Variants in MYO9A observed in about 807,000 individuals in gnomAD.
The protein encoded by MYO9A is unconventional myosin-IXa.
Under a neutral mutation model 293.3 loss-of-function variants are expected in MYO9A, and 103 were observed. The ratio of observed to expected loss-of-function variants is 0.35; its 90% CI spans 0.30 to 0.41. MYO9A has a LOEUF of 0.41. Ranked by LOEUF, MYO9A falls within the 10% of genes least tolerant of loss-of-function variation. The probability of loss-of-function intolerance (pLI) is 1.00; values close to 1 mark genes in which losing one functional copy is unlikely to be tolerated. For synonymous variants in MYO9A, 1,001 were observed against 1,035.7 expected, an observed-to-expected ratio of 0.97 and a Z score of 0.64; for missense variants, 2,685 against 3,033.0, an observed-to-expected ratio of 0.89 and a Z score of 2.69.
chr15:71,879,800 G>A lies in MYO9A; in HGVS notation c.5660C>T (p.Thr1887Ile). 2 of 1,613,524 alleles carry A rather than the reference G, an allele frequency of 1.2e-6. No individual in the cohort carries two copies. Among genetic ancestry groups the A allele is most frequent in the South Asian group, 1.1e-5 (1 of 91,058 alleles). The stretch of plus-strand genomic sequence containing the variant: ...TTTTTTAAATACAACATCCACTAGT[G>A]TATCCTTCTTGCTGTCTTCATTATC... ...DLDNEDSKKD[T>I]LVDVVFKKAL... Residue 1887 changes from threonine to isoleucine, a missense_variant, in exon 30 of 42, where the codon ACA (threonine) becomes ATA (isoleucine). Thr to Ile is a moderately conservative substitution (Grantham distance 89). Around this residue, in one of 10 missense-constraint regions of MYO9A, gnomAD observed 1,434 missense variants for 1,497.7 expected, o/e 0.96. Coordinates refer to ENST00000356056, the MANE Select transcript of MYO9A (RefSeq NM_006901.4).
At chr15:72,038,772 T>G (rs148260819) in intron 2 of MYO9A, among the ~76,000 whole-genome samples, 1 of 152,338 alleles carries the variant, frequency 6.6e-6, no homozygotes, top group African/African-American at 2.4e-5. Context: ...CTACCATGTG[T>G]ATTATGACGT....
At chr15:71,995,902 GA>G (rs1399522015) in intron 9 of MYO9A, among the ~76,000 whole-genome samples, 1 of 149,864 alleles carries the variant, frequency 6.7e-6, no homozygotes, top group African/African-American at 2.5e-5. Flanking sequence ...AATATTGAAG[GA>G]AAAAAAAAGC....
In MYO9A at chr15:71,826,842, G is replaced by T. The variant is rs775137785; in HGVS notation, c.7385C>A (p.Ala2462Asp). 6.2e-7 allele frequency: 1 copy of T among 1,614,124 alleles called. No individual in the cohort carries two copies. The highest frequency in any genetic ancestry group is 8.5e-7 in the Non-Finnish European group (1 of 1,179,984). The change falls in exon 42 of 42, where the codon GCT (alanine) becomes GAT (aspartate). Residue 2462 changes from alanine (A) to aspartate (D), a missense_variant. By Grantham distance (126) the Ala-to-Asp change is moderately radical. Coordinates refer to ENST00000356056, the MANE Select transcript of MYO9A (RefSeq NM_006901.4). ...TCCCAGGGCCTCATTACCTGAGGCAGCTCGGTAGAATGGAGATTTGGAATA... is the reference window on the plus strand; with the variant it reads ...TCCCAGGGCCTCATTACCTGAGGCATCTCGGTAGAATGGAGATTTGGAATA... The part of the protein sequence containing the change: ...QIYSKSPFYR[A>D]ASGNEALGME...
At chr15:71,854,218 C>T (rs565507322) in intron 35 of MYO9A, among the ~76,000 whole-genome samples, 159 bp downstream of exon 35, 1 of 152,200 alleles carries the variant, frequency 6.6e-6, no homozygotes, top group African/African-American at 2.4e-5. Context: ...AAACCAAAGA[C>T]TCTTTAGAAA....
intron 1 of MYO9A, among the ~76,000 whole-genome samples, chr15:72,079,738 T>C (rs1162162903): frequency 6.6e-6 from 1 of 152,178 alleles, no homozygotes; most frequent in East Asian, 1.9e-4. Context: ...GGATCTACAT[T>C]AATGTTTCCA....
intron 39 of MYO9A, among the ~76,000 whole-genome samples, chr15:71,836,937 T>C (rs189100611): frequency 2.1e-4 from 32 of 152,160 alleles, no homozygotes; most frequent in Non-Finnish European, 3.7e-4. Flanking sequence ...TGGGGTGGTA[T>C]GTGGATGTTC....
intron 13 of MYO9A, among the ~76,000 whole-genome samples, chr15:71,964,138 C>G (rs2147129703): frequency 6.6e-6 from 1 of 151,994 alleles, no homozygotes; most frequent in South Asian, 2.1e-4. Context: ...TATCTGTAAT[C>G]TATAATTTTT....
intron 1 of MYO9A, among the ~76,000 whole-genome samples, chr15:72,053,174 C>T (rs75553073): frequency 0.015 from 2,338 of 152,046 alleles, 34 homozygotes; most frequent in Non-Finnish European, 0.023. Flanking sequence ...CCAAGGCAGG[C>T]GGATCACTTA....
At chr15:72,109,889 C>G (rs1199076403) in intron 1 of MYO9A, among the ~76,000 whole-genome samples, 3 of 145,880 alleles carry the variant, frequency 2.1e-5, no homozygotes, top group Admixed American at 6.9e-5. Context: ...GAGCAAGACT[C>G]TGTCTCACAA....
chr15:71,951,428 GT>G lies in MYO9A; in HGVS notation c.2302+348del, dbSNP rs1187568296. On this transcript the variant is annotated intron_variant, in intron 15 of 41. Coordinates refer to ENST00000356056, the MANE Select transcript of MYO9A (RefSeq NM_006901.4). ...TTTACTTCAATTAGACCTCAATAAAGTTTTTTTTGTTGTTTTTTTTTTTATG... is the reference window on the plus strand; with the variant it reads ...TTTACTTCAATTAGACCTCAATAAAGTTTTTTTGTTGTTTTTTTTTTTATG... 7.6e-5 allele frequency among the ~76,000 whole-genome samples: 11 copies of G among 144,166 alleles called. No individual in the cohort carries two copies. The South Asian group carries it at 1.1e-3, about 15-fold the overall frequency. 94.6% of individuals were successfully genotyped at this position (144,166 alleles called of 152,430 possible). A position where few individuals can be genotyped will look rare whatever the true frequency, so the allele number is the denominator to read the frequency against.
chr15:72,103,067 A>AC (rs145685453), intron 1 of MYO9A, among the ~76,000 whole-genome samples: 146,392 of 146,408 alleles, frequency 1, 73,188 homozygotes, highest in Middle Eastern at 1. Flanking sequence ...CTGAACCTCC[A>AC]CTCCCGGGTT....
intron 11 of MYO9A, 139 bp downstream of exon 11, chr15:71,990,964 T>C (rs1201830225): frequency 2.3e-6 from 2 of 869,666 alleles, no homozygotes; most frequent in African/African-American, 3.5e-5. Flanking sequence ...TATTCTTGTT[T>C]GTAAAGGCAC....
intron 1 of MYO9A, among the ~76,000 whole-genome samples, chr15:72,108,935 G>T (rs1461314097): frequency 1.3e-5 from 2 of 151,782 alleles, no homozygotes; most frequent in African/African-American, 4.8e-5. Context: ...GCTAATTTTT[G>T]TATTTTTAGT....
rs1352635008 is a variant in MYO9A at position 71,897,783 on chromosome 15, G to C, written c.4720C>G (p.Leu1574Val). ...NTSNKGELNV[L>V]GSLSLKDAAL... ...GCATCTTTTAATGATAGGGACCCCA[G>C]TACATTAAGTTCTCCCTTATTTGAG... The change falls in exon 25 of 42, where the codon CTG becomes GTG. Residue 1574 changes from leucine (L) to valine (V), a missense_variant. Physicochemically the swap from Leu to Val is conservative, Grantham distance 32. Coordinates refer to ENST00000356056, the MANE Select transcript of MYO9A (RefSeq NM_006901.4). 1.2e-6 allele frequency: 2 copies of C among 1,614,016 alleles called. No homozygotes were observed. The highest frequency in any genetic ancestry group is 2.2e-5 in the South Asian group (2 of 91,074).
At chr15:71,878,740 A>ATTTTT (rs200866619) in intron 30 of MYO9A, among the ~76,000 whole-genome samples, 1,191 of 108,554 alleles carry the variant, frequency 0.011, 32 homozygotes, top group Admixed American at 0.035. Context: ...GAGATCTGGA[A>ATTTTT]TTTTTTTTTT....
chr15:72,036,764 G>C (rs895632163), intron 2 of MYO9A: 1 of 152,388 alleles, frequency 6.6e-6, no homozygotes, highest in Non-Finnish European at 1.5e-5. Flanking sequence ...ACCCATGCTG[G>C]AGTGCAGTGG....
At chr15:71,846,790 G>A (rs1433492456) in intron 39 of MYO9A, among the ~76,000 whole-genome samples, 2 of 151,766 alleles carry the variant, frequency 1.3e-5, no homozygotes, top group African/African-American at 4.9e-5. Flanking sequence ...ACAATCAATG[G>A]AACTGAAGAG....
At chr15:72,117,252 G>A (rs1385347846) in intron 1 of MYO9A, 1 of 152,256 alleles carries the variant, frequency 6.6e-6, no homozygotes, top group African/African-American at 2.4e-5. Flanking sequence ...AGCTGGGAGG[G>A]GTTCTACTAA....
intron 40 of MYO9A, 60 bp from the exon 41 acceptor site, chr15:71,828,086 A>G: frequency 1.3e-6 from 2 of 1,532,668 alleles, no homozygotes. Flanking sequence ...AAGATAACAG[A>G]AAAAAAGATC....
Sources: gnomAD v4.1 joint callset for allele counts (sites outside exome capture counted in the v4.1 genomes callset) on GRCh38, gnomAD v4.1.1 for gene constraint, gnomAD v4.1.1 regional missense constraint, MANE v1.5 for transcripts, NCBI Gene and HGNC (gene_info 2026-07-23, HGNC 2026-07-21) for gene names.